LRRC8B: variants seen among roughly 807,000 people sequenced by gnomAD.
LRRC8B encodes the protein volume-regulated anion channel subunit LRRC8B.
LRRC8B carries 23 observed loss-of-function variants against 58.8 expected under a neutral mutation model. The observed-to-expected ratio is 0.39, with a 90% confidence interval of 0.28 to 0.55. The LOEUF (loss-of-function observed/expected upper bound fraction) is 0.55, where lower values mean the gene tolerates loss of function less well. Among genes scored for constraint, LRRC8B ranks in the 20% least tolerant of loss-of-function variants. LRRC8B has a pLI of 0.62. For synonymous variants in LRRC8B, 359 were observed against 374.1 expected (o/e 0.96, Z 0.47); for missense variants, 694 against 936.0 (o/e 0.74, Z 3.37).
chr1:89,540,131 A>G (rs1650846247), intron 1 of LRRC8B, among the ~76,000 whole-genome samples: 1 of 152,128 alleles, frequency 6.6e-6, no homozygotes, highest in African/African-American at 2.4e-5. Context: ...ACTCAATTCC[A>G]TCACCTGGAC....
At position 89,594,973 on chromosome 1, in the gene LRRC8B, G is replaced by A. The variant is rs887567279; in HGVS notation, c.*1930G>A. 1.3e-5 allele frequency: 2 copies of A among 152,112 alleles called. No individual in the cohort carries two copies. Among genetic ancestry groups the A allele is most frequent in the East Asian group, 3.8e-4 (2 of 5,196 alleles). The allele number at this position is 152,112 out of a possible 1,614,324, so 9.4% of individuals were successfully genotyped here. A position where few individuals can be genotyped will look rare whatever the true frequency, so the allele number is the denominator to read the frequency against. On this transcript the variant is annotated 3_prime_UTR_variant, in exon 6 of 6. Coordinates refer to ENST00000330947, the MANE Select transcript of LRRC8B (RefSeq NM_001369817.2). ...AGAAAGATGAAAGTGAGTCTTTAAAGCATAGCAAATAGAGCTTCCCCTCAC... is the reference window on the plus strand; with the variant it reads ...AGAAAGATGAAAGTGAGTCTTTAAAACATAGCAAATAGAGCTTCCCCTCAC...
At position 89,584,013 on chromosome 1, in the gene LRRC8B, C is replaced by T. The variant is rs1654440215; in HGVS notation, c.1363C>T (p.Leu455=). ...CCTGGAGCTTATCCCAGAGGTGAAG[C>T]TGCCCTCTGCAGTCTCACAGCTGGT... ...LSLELIPEVK[L]PSAVSQLVNL... Residue 455 remains leucine (L), a synonymous_variant, in exon 5 of 6, where the codon CTG becomes TTG. Transcript: ENST00000330947. 2.5e-6 allele frequency: 4 copies of T among 1,614,196 alleles called. No homozygotes were observed. Among genetic ancestry groups the T allele is most frequent in the Non-Finnish European group, 3.4e-6 (4 of 1,180,022 alleles).
In LRRC8B at chr1:89,568,433, C is replaced by T. The variant is rs969292170; in HGVS notation, c.-179-6C>T. 6.6e-6 allele frequency: 1 copy of T among 152,046 alleles called. No homozygotes were observed. Among genetic ancestry groups the T allele is most frequent in the African/African-American group, 2.4e-5 (1 of 41,398 alleles). The allele number at this position is 152,046 out of a possible 1,614,324, so 9.4% of individuals were successfully genotyped here. ...ATATAATAATATGCTTGTGATTTCTCCTTAGGAATTTTTCAAATTGAGACT... is the reference window on the plus strand; with the variant it reads ...ATATAATAATATGCTTGTGATTTCTTCTTAGGAATTTTTCAAATTGAGACT... On this transcript the variant is annotated splice_polypyrimidine_tract_variant and splice_region_variant and intron_variant, in intron 2 of 5. Coordinates refer to ENST00000330947, the MANE Select transcript of LRRC8B (RefSeq NM_001369817.2).
intron 5 of LRRC8B, among the ~76,000 whole-genome samples, chr1:89,590,098 G>A (rs1353451406): frequency 1.3e-5 from 2 of 151,956 alleles, no homozygotes; most frequent in Non-Finnish European, 2.9e-5. Context: ...ATAGTAGTCT[G>A]TAAGCTTTCC....
intron 1 of LRRC8B, among the ~76,000 whole-genome samples, chr1:89,567,882 C>T (rs769984904): frequency 6.6e-6 from 1 of 151,968 alleles, no homozygotes; most frequent in Non-Finnish European, 1.5e-5. Flanking sequence ...AAAAATGATG[C>T]TTAAAGAAAC....
chr1:89,543,851 T>A (rs1279491370), intron 1 of LRRC8B, among the ~76,000 whole-genome samples: 1 of 151,418 alleles, frequency 6.6e-6, no homozygotes, highest in African/African-American at 2.4e-5. Flanking sequence ...CCAGTGGCAC[T>A]GTCATGGCTC....
rs1450167071 is a variant in LRRC8B at position 89,560,861 on chromosome 1, C to T, written c.-240-7386C>T. ...GCAATAAACATACGTGTGCATGTGT[C>T]TTTATAGCAGCATGATTTATAGTCA... On this transcript the variant is annotated intron_variant, in intron 1 of 5. Coordinates refer to ENST00000330947, the MANE Select transcript of LRRC8B (RefSeq NM_001369817.2). Among the ~76,000 whole-genome samples, 3 of 152,068 alleles carry T rather than the reference C, an allele frequency of 2.0e-5. No homozygotes were observed. The East Asian group carries it at 5.8e-4, about 29-fold the overall frequency.
chr1:89,582,157 C>G (rs1304541532), intron 4 of LRRC8B, among the ~76,000 whole-genome samples: 1 of 149,866 alleles, frequency 6.7e-6, no homozygotes, highest in Non-Finnish European at 1.5e-5. Context: ...TTTCAGAGGC[C>G]AAGCAGGGAG....
At chr1:89,528,770 G>C (rs1649888722) in intron 1 of LRRC8B, among the ~76,000 whole-genome samples, 1 of 152,164 alleles carries the variant, frequency 6.6e-6, no homozygotes, top group African/African-American at 2.4e-5. Context: ...ATGATCCCAA[G>C]ATGGAGCTTC....
intron 1 of LRRC8B, among the ~76,000 whole-genome samples, chr1:89,533,343 C>T (rs546070307): frequency 6.6e-6 from 1 of 152,328 alleles, no homozygotes; most frequent in South Asian, 2.1e-4. Flanking sequence ...ACTCTGTCAT[C>T]TCTGTGTCCC....
chr1:89,563,467 C>T (rs1381536367), intron 1 of LRRC8B, among the ~76,000 whole-genome samples: 2 of 152,134 alleles, frequency 1.3e-5, no homozygotes, highest in Non-Finnish European at 2.9e-5. Context: ...CAACACTTTG[C>T]CTTCCTTATG....
chr1:89,595,432 C>T lies in LRRC8B; in HGVS notation c.*2389C>T, dbSNP rs1314517816. 9 of 152,060 alleles carry T rather than the reference C, an allele frequency of 5.9e-5. No homozygotes were observed. The highest frequency in any genetic ancestry group is 1.0e-4 in the Non-Finnish European group (7 of 67,954). The allele number at this position is 152,060 out of a possible 1,614,324, so 9.4% of individuals were successfully genotyped here. On this transcript the variant is annotated 3_prime_UTR_variant, in exon 6 of 6. Coordinates refer to ENST00000330947, the MANE Select transcript of LRRC8B (RefSeq NM_001369817.2). ...CACATAACTAGCTAGAATTTCAAAA[C>T]AAAATTCAGATTTGCTACCATTCAC...
chr1:89,590,989 C>A (rs1453341008), intron 5 of LRRC8B, among the ~76,000 whole-genome samples: 1 of 152,160 alleles, frequency 6.6e-6, no homozygotes, highest in African/African-American at 2.4e-5. Flanking sequence ...TGCTAAACAT[C>A]CTACACTGCA....
At chr1:89,543,600 A>T (rs1402366257) in intron 1 of LRRC8B, among the ~76,000 whole-genome samples, 2 of 151,744 alleles carry the variant, frequency 1.3e-5, no homozygotes, top group African/African-American at 4.8e-5. Context: ...GGTTCAAGTG[A>T]TTCTCCTGCC....
intron 1 of LRRC8B, among the ~76,000 whole-genome samples, chr1:89,525,461 C>G (rs1649608993): frequency 6.6e-6 from 1 of 152,242 alleles, no homozygotes; most frequent in Non-Finnish European, 1.5e-5. Context: ...TTTGGTCGCT[C>G]TGTTTTGCCC....
At chr1:89,543,334 G>A (rs1651159302) in intron 1 of LRRC8B, among the ~76,000 whole-genome samples, 1 of 152,068 alleles carries the variant, frequency 6.6e-6, no homozygotes, top group Admixed American at 6.5e-5. Context: ...ATAAGTCTAA[G>A]GTATAAATTC....
intron 5 of LRRC8B, among the ~76,000 whole-genome samples, chr1:89,592,345 A>G (rs1570657002): frequency 1.3e-5 from 2 of 152,178 alleles, no homozygotes; most frequent in East Asian, 1.9e-4. Flanking sequence ...TTTTAAGGGT[A>G]TTATTCATTA....
At chr1:89,548,685 AGATCAGG>A (rs1651587265) in intron 1 of LRRC8B, among the ~76,000 whole-genome samples, 1 of 152,156 alleles carries the variant, frequency 6.6e-6, no homozygotes, top group Admixed American at 6.5e-5. Context: ...ATAGGAATTG[AGATCAGG>A]GAAGCCAGAA....
chr1:89,545,637 C>G (rs1283487579), intron 1 of LRRC8B, among the ~76,000 whole-genome samples: 2 of 152,184 alleles, frequency 1.3e-5, no homozygotes, highest in Non-Finnish European at 1.5e-5. Flanking sequence ...TTGGTTCTTT[C>G]CCTGTTAAAC....
Sources: gnomAD v4.1 joint callset for allele counts (sites outside exome capture counted in the v4.1 genomes callset) on GRCh38, gnomAD v4.1.1 for gene constraint, MANE v1.5 for transcripts, NCBI Gene and HGNC (gene_info 2026-07-23, HGNC 2026-07-21) for gene names.